Variants in FREM1 observed in about 807,000 individuals in gnomAD.
FREM1 encodes the protein FRAS1-related extracellular matrix protein 1.
In FREM1, 220 loss-of-function variants were observed where a neutral mutation model predicts 210.1. That is an observed-to-expected ratio of 1.05 (90% CI 0.94 to 1.17). The LOEUF is 1.17. Ranked by LOEUF, FREM1 falls within the 50% of genes most tolerant of loss-of-function variation. FREM1 has a pLI of 0.00. For synonymous variants in FREM1, 1,189 were observed against 980.2 expected, an observed-to-expected ratio of 1.21 and a Z score of -3.98; for missense variants, 3,454 against 2,675.5, an observed-to-expected ratio of 1.29 and a Z score of -6.42.
At chr9:14,793,634 CAG>C (rs1563942639) in intron 21 of FREM1, among the ~76,000 whole-genome samples, 82 of 152,264 alleles carry the variant, frequency 5.4e-4, no homozygotes, top group African/African-American at 2.0e-3. Flanking sequence ...CTCTTTCCAC[CAG>C]GGTTTCTAGC....
At position 14,841,458 on chromosome 9, in the gene FREM1, A is replaced by G. The variant is rs749231660; in HGVS notation, c.1870T>C (p.Ser624Pro). ...LWDSHEPPNLSVPQVATIHIT... is the reference protein window; with the variant it reads ...LWDSHEPPNLPVPQVATIHIT... ...AAACAGTCTCTTACCTGTGGCACTG[A>G]AAGATTTGGAGGTTCATGGCTGTCC... is the stretch of plus-strand genomic sequence containing the variant. Residue 624 changes from serine to proline, a missense_variant, in exon 10 of 37, where the codon TCA (serine) becomes CCA (proline). Coordinates refer to ENST00000380880, the MANE Select transcript of FREM1 (RefSeq NM_001379081.2). The G allele has an allele frequency of 1.2e-6, 2 of 1,605,494 alleles. No homozygotes were observed. The highest frequency in any genetic ancestry group is 1.7e-6 in the Non-Finnish European group (2 of 1,174,266).
At chr9:14,887,608 G>A (rs1212719898) in intron 1 of FREM1, among the ~76,000 whole-genome samples, 4 of 152,138 alleles carry the variant, frequency 2.6e-5, no homozygotes, top group Non-Finnish European at 4.4e-5. Context: ...ATAAAATCAT[G>A]AGAAAGAGCC....
chr9:14,904,564 G>A (rs559186127), intron 1 of FREM1, among the ~76,000 whole-genome samples: 17 of 151,980 alleles, frequency 1.1e-4, no homozygotes, highest in African/African-American at 3.9e-4. Flanking sequence ...TCTGTCTTCA[G>A]ATGTTTGAAG....
At chr9:14,882,720 G>A (rs948654346) in intron 1 of FREM1, among the ~76,000 whole-genome samples, 3 of 151,272 alleles carry the variant, frequency 2.0e-5, no homozygotes, top group African/African-American at 7.3e-5. Context: ...AGCTCCCAAA[G>A]TGCTGGGATT....
intron 24 of FREM1, among the ~76,000 whole-genome samples, chr9:14,781,984 C>G (rs898427670): frequency 1.3e-5 from 2 of 152,222 alleles, no homozygotes; most frequent in Admixed American, 1.3e-4. Context: ...GGATTACAGG[C>G]GTGAGCCACT....
chr9:14,775,431 C>T (rs571945115), intron 25 of FREM1, among the ~76,000 whole-genome samples: 3 of 151,982 alleles, frequency 2.0e-5, no homozygotes, highest in South Asian at 2.1e-4. Flanking sequence ...CTTGGCCAGG[C>T]GTGATAGCTC....
chr9:14,898,822 G>C (rs1027761786), intron 1 of FREM1, among the ~76,000 whole-genome samples: 1 of 152,268 alleles, frequency 6.6e-6, no homozygotes, highest in Non-Finnish European at 1.5e-5. Context: ...AATAATAATT[G>C]CTCATCCATT....
intron 1 of FREM1, among the ~76,000 whole-genome samples, chr9:14,892,022 CT>C (rs1836905806): frequency 1.3e-5 from 2 of 152,068 alleles, no homozygotes. Context: ...CTTGCTTTCA[CT>C]TTACTCTATG....
intron 6 of FREM1, 125 bp from the exon 7 acceptor site, chr9:14,848,898 C>G: frequency 2.0e-6 from 1 of 496,788 alleles, no homozygotes. Context: ...TTCTGCAGTT[C>G]CCACATCTCA....
chr9:14,837,205 G>T (rs543019601), intron 10 of FREM1, among the ~76,000 whole-genome samples: 2 of 152,218 alleles, frequency 1.3e-5, no homozygotes, highest in African/African-American at 4.8e-5. Context: ...CTTTTTCGCG[G>T]GCTACATGAA....
chr9:14,777,023 T>C (rs1270454681), intron 24 of FREM1, among the ~76,000 whole-genome samples: 3 of 152,250 alleles, frequency 2.0e-5, no homozygotes, highest in Non-Finnish European at 1.5e-5. Flanking sequence ...AAGCTGAGAC[T>C]AGAATGCAGG....
intron 10 of FREM1, among the ~76,000 whole-genome samples, chr9:14,831,003 T>A (rs1823458974): frequency 6.6e-6 from 1 of 152,178 alleles, no homozygotes; most frequent in Non-Finnish European, 1.5e-5. Flanking sequence ...CGTACTCAAG[T>A]CACGGATATA....
At chr9:14,841,674 T>C in intron 9 of FREM1, 85 bp from the exon 10 acceptor site, 1 of 1,067,668 alleles carries the variant, frequency 9.4e-7, no homozygotes, top group Non-Finnish European at 1.3e-6. Context: ...TCTTCAAAAG[T>C]CTTATCTGTC....
chr9:14,843,086 T>C (rs1237506587), intron 8 of FREM1, among the ~76,000 whole-genome samples: 11 of 152,304 alleles, frequency 7.2e-5, no homozygotes, highest in Non-Finnish European at 1.5e-4. Context: ...TGGGCAGGCA[T>C]CATCCAATCC....
At chr9:14,892,552 G>C (rs1446202750) in intron 1 of FREM1, among the ~76,000 whole-genome samples, 2 of 152,076 alleles carry the variant, frequency 1.3e-5, no homozygotes, top group East Asian at 3.9e-4. Flanking sequence ...GCTAAGAACG[G>C]GTTTGGCACT....
chr9:14,851,009 A>G (rs1588363326), intron 6 of FREM1, among the ~76,000 whole-genome samples: 1 of 152,304 alleles, frequency 6.6e-6, no homozygotes, highest in East Asian at 1.9e-4. Flanking sequence ...GCACACTTGT[A>G]TCCTTGCAGG....
At chr9:14,818,634 G>C (rs1274102451) in intron 14 of FREM1, among the ~76,000 whole-genome samples, 1 of 152,144 alleles carries the variant, frequency 6.6e-6, no homozygotes, top group African/African-American at 2.4e-5. Context: ...AACTGCATTA[G>C]GTAGAGGAAA....
intron 19 of FREM1, 65 bp from the exon 20 acceptor site, chr9:14,801,939 C>A: frequency 8.2e-7 from 1 of 1,217,462 alleles, no homozygotes; most frequent in Non-Finnish European, 1.2e-6. Context: ...CTTTGGAAAA[C>A]TGCTTAAAGA....
intron 1 of FREM1, among the ~76,000 whole-genome samples, 153 bp downstream of exon 1, chr9:14,909,761 T>C (rs190636231): frequency 2.9e-4 from 44 of 152,370 alleles, no homozygotes; most frequent in Non-Finnish European, 5.9e-4. Flanking sequence ...TCTTCTGAGT[T>C]AACAGGAGAG....
Sources: gnomAD v4.1 joint callset for allele counts (sites outside exome capture counted in the v4.1 genomes callset) on GRCh38, gnomAD v4.1.1 for gene constraint, MANE v1.5 for transcripts, NCBI Gene and HGNC (gene_info 2026-07-23, HGNC 2026-07-21) for gene names.